Variants in TMEM132E observed in about 807,000 individuals in gnomAD.
TMEM132E encodes transmembrane protein 132E.
TMEM132E carries 49 observed loss-of-function variants against 78.5 expected under a neutral mutation model. The ratio of observed to expected loss-of-function variants is 0.62; its 90% CI spans 0.50 to 0.79. The LOEUF is 0.79. Among genes scored for constraint, TMEM132E ranks in the 30% least tolerant of loss-of-function variants. TMEM132E has a pLI of 0.00. For synonymous variants in TMEM132E, 715 were observed against 670.6 expected (o/e 1.07, Z -1.02); for missense variants, 1,403 against 1,470.9 (o/e 0.95, Z 0.75).
chr17:34,636,934 G>T (rs1334296678), intron 8 of TMEM132E, among the ~76,000 whole-genome samples: 2 of 152,184 alleles, frequency 1.3e-5, no homozygotes, highest in Non-Finnish European at 2.9e-5. Flanking sequence ...GGCATCCTCA[G>T]AGCAGTATGA....
Position 34,626,779 on chromosome 17 carries a change from T to C in TMEM132E, c.720T>C (p.Asp240=). The change falls in exon 2 of 9, where the codon GAT becomes GAC. Residue 240 remains aspartate, a synonymous_variant. Transcript: ENST00000631683. ...AELYYTLHAP[D]ASGGCGGSRR... Reference sequence around the variant, plus strand: ...TCTACTACACGCTCCACGCCCCTGATGCGTCGGGGGGCTGCGGGGGCTCCC... The same window carrying C: ...TCTACTACACGCTCCACGCCCCTGACGCGTCGGGGGGCTGCGGGGGCTCCC... 6.8e-7 allele frequency: 1 copy of C among 1,481,208 alleles called. No individual in the cohort carries two copies. Among genetic ancestry groups the C allele is most frequent in the Non-Finnish European group, 9.0e-7 (1 of 1,108,520 alleles). The allele number at this position is 1,481,208 out of a possible 1,614,324, so 91.8% of individuals were successfully genotyped here.
chr17:34,637,493 A>G lies in TMEM132E; in HGVS notation c.2486A>G (p.Gln829Arg). 1 of 1,608,980 alleles carries G rather than the reference A, an allele frequency of 6.2e-7. No individual in the cohort carries two copies. Among genetic ancestry groups the G allele is most frequent in the Non-Finnish European group, 8.5e-7 (1 of 1,178,026 alleles). The change falls in exon 9 of 9, where the codon CAA becomes CGA. Residue 829 changes from glutamine (Q) to arginine (R), a missense_variant. Around this residue, in one of 3 missense-constraint regions of TMEM132E, gnomAD observed 888 missense variants for 952.8 expected, o/e 0.93. Transcript: ENST00000631683. Reference protein sequence around the residue: ...DPTYDYPGPSQPGPGGGEDEA... With the variant: ...DPTYDYPGPSRPGPGGGEDEA... ...ACTTATGACTACCCGGGCCCCAGCC[A>G]ACCAGGGCCCGGCGGGGGCGAGGAC...
chr17:34,601,329 CTCCCTGGGGCA>C (rs1392219701), intron 1 of TMEM132E, among the ~76,000 whole-genome samples: 1 of 152,228 alleles, frequency 6.6e-6, no homozygotes, highest in African/African-American at 2.4e-5. Context: ...ATCCCTCCCT[CTCCCTGGGGCA>C]GCCATTGAAC....
intron 1 of TMEM132E, among the ~76,000 whole-genome samples, chr17:34,603,441 A>G (rs1438947913): frequency 6.6e-6 from 1 of 152,184 alleles, no homozygotes; most frequent in Non-Finnish European, 1.5e-5. Context: ...CACAGAGGCT[A>G]GAGTATGACT....
rs149028040 is a variant in TMEM132E, at chr17:34,610,397, G to A, written c.68-15730G>A. 1.2e-4 allele frequency among the ~76,000 whole-genome samples: 19 copies of A among 152,286 alleles called. No homozygotes were observed. In the South Asian group the frequency reaches 3.1e-3, roughly 25 times the overall value. ...AGTCAGGCTGCATGGTGAAAGGCGC[G>A]GTCTCTGCCCAAAGCAGGGCCTCCA... is the stretch of plus-strand genomic sequence containing the variant. On this transcript the variant is annotated intron_variant, in intron 1 of 8. Coordinates refer to ENST00000631683, the MANE Select transcript of TMEM132E (RefSeq NM_001304438.2).
At chr17:34,619,978 C>T (rs1049922892) in intron 1 of TMEM132E, among the ~76,000 whole-genome samples, 3 of 152,162 alleles carry the variant, frequency 2.0e-5, no homozygotes, top group African/African-American at 7.3e-5. Flanking sequence ...ACCACAAACT[C>T]ACCAAACCTA....
At chr17:34,591,395 C>T (rs569637454) in intron 1 of TMEM132E, among the ~76,000 whole-genome samples, 6 of 151,916 alleles carry the variant, frequency 3.9e-5, no homozygotes, top group African/African-American at 1.2e-4. Flanking sequence ...GACTCAACTT[C>T]CTGGGCTCAA....
chr17:34,634,980 G>A lies in TMEM132E; in HGVS notation c.1870G>A (p.Val624Ile). 6.2e-7 allele frequency: 1 copy of A among 1,614,102 alleles called. No homozygotes were observed. Among genetic ancestry groups the A allele is most frequent in the Non-Finnish European group, 8.5e-7 (1 of 1,180,024 alleles). Residue 624 changes from valine to isoleucine, a missense_variant, in exon 7 of 9, where the codon GTC (valine) becomes ATC (isoleucine). Around this residue, in one of 3 missense-constraint regions of TMEM132E, gnomAD observed 888 missense variants for 952.8 expected, o/e 0.93. Coordinates refer to ENST00000631683, the MANE Select transcript of TMEM132E (RefSeq NM_001304438.2). ...GTTAGGCCCGGACTGGCTGGTGGAGGTCACCGACCTAGTCAGTGACTTCAT... is the reference window on the plus strand; with the variant it reads ...GTTAGGCCCGGACTGGCTGGTGGAGATCACCGACCTAGTCAGTGACTTCAT... ...TMLGPDWLVEVTDLVSDFMRV... is the reference protein window; with the variant it reads ...TMLGPDWLVEITDLVSDFMRV...
intron 8 of TMEM132E, among the ~76,000 whole-genome samples, chr17:34,636,803 G>T (rs1007685702): frequency 6.6e-6 from 1 of 152,194 alleles, no homozygotes; most frequent in Non-Finnish European, 1.5e-5. Context: ...TGTCTGATGG[G>T]GGTAAGCCCA....
chr17:34,618,530 C>A (rs1320958420), intron 1 of TMEM132E, among the ~76,000 whole-genome samples: 1 of 152,052 alleles, frequency 6.6e-6, no homozygotes, highest in Non-Finnish European at 1.5e-5. Flanking sequence ...CCATGCCCGG[C>A]CAACATTTGT....
At chr17:34,629,737 G>T (rs763620532) in intron 4 of TMEM132E, among the ~76,000 whole-genome samples, 1 of 152,172 alleles carries the variant, frequency 6.6e-6, no homozygotes, top group Non-Finnish European at 1.5e-5. Context: ...CTGTTTAAGA[G>T]GAGATGGCAG....
intron 1 of TMEM132E, among the ~76,000 whole-genome samples, chr17:34,623,181 G>T (rs573938837): frequency 9.2e-5 from 14 of 152,296 alleles, no homozygotes; most frequent in African/African-American, 2.9e-4. Flanking sequence ...GGGGTGAGGG[G>T]ATCCGGGTGG....
chr17:34,610,770 T>C (rs1906564303), intron 1 of TMEM132E, among the ~76,000 whole-genome samples: 1 of 152,228 alleles, frequency 6.6e-6, no homozygotes, highest in African/African-American at 2.4e-5. Context: ...AAGAGAATCA[T>C]GCAAGTGGGT....
At chr17:34,619,642 A>G in intron 1 of TMEM132E, among the ~76,000 whole-genome samples, 1 of 148,882 alleles carries the variant, frequency 6.7e-6, no homozygotes, top group South Asian at 2.1e-4. Flanking sequence ...ATCTTCACCA[A>G]CCCTTCCTAC....
At chr17:34,634,015 T>C (rs1304035710) in intron 6 of TMEM132E, among the ~76,000 whole-genome samples, 1 of 152,198 alleles carries the variant, frequency 6.6e-6, no homozygotes, top group African/African-American at 2.4e-5. Flanking sequence ...ACCTGCCTCA[T>C]AGGATTTTTG....
chr17:34,590,977 T>TC (rs76768337), intron 1 of TMEM132E, among the ~76,000 whole-genome samples: 28,071 of 151,990 alleles, frequency 0.18, 3,002 homozygotes, highest in South Asian at 0.32. Flanking sequence ...GACAAAGAGC[T>TC]CACCGTTAGA....
intron 5 of TMEM132E, among the ~76,000 whole-genome samples, chr17:34,631,855 G>A (rs1907358433): frequency 1.3e-5 from 2 of 152,232 alleles, no homozygotes; most frequent in East Asian, 3.8e-4. Context: ...TGTACACACA[G>A]GATCCGTTCT....
At chr17:34,628,971 C>A in intron 3 of TMEM132E, 41 bp from the exon 4 acceptor site, 1 of 1,517,336 alleles carries the variant, frequency 6.6e-7, no homozygotes, top group Non-Finnish European at 8.8e-7. Flanking sequence ...CTGCTCCCAG[C>A]CCTTCATCCT....
chr17:34,598,001 A>C (rs1906114659), intron 1 of TMEM132E, among the ~76,000 whole-genome samples: 4 of 152,188 alleles, frequency 2.6e-5, no homozygotes. Flanking sequence ...TGATTTCCTA[A>C]AACATTTTTA....
Sources: gnomAD v4.1 joint callset for allele counts (sites outside exome capture counted in the v4.1 genomes callset) on GRCh38, gnomAD v4.1.1 for gene constraint, gnomAD v4.1.1 regional missense constraint, MANE v1.5 for transcripts, NCBI Gene and HGNC (gene_info 2026-07-23, HGNC 2026-07-21) for gene names.